Variants in LFNG observed in about 807,000 individuals in gnomAD.
LFNG encodes LFNG O-fucosylpeptide 3-beta-N-acetylglucosaminyltransferase.
In LFNG, 15 loss-of-function variants were observed where a neutral mutation model predicts 32.7. The observed-to-expected ratio is 0.46, with a 90% confidence interval of 0.31 to 0.71. LFNG has a LOEUF of 0.71. LFNG is among the 30% of genes least tolerant of loss of function. The pLI is 0.06. For synonymous variants in LFNG, 274 were observed against 246.8 expected, an observed-to-expected ratio of 1.11 and a Z score of -1.03; for missense variants, 520 against 545.7, an observed-to-expected ratio of 0.95 and a Z score of 0.47.
In LFNG at chr7:2,527,075, G is replaced by T; in HGVS notation, c.1074-71G>T. On this transcript the variant is annotated intron_variant, in intron 7 of 7. Transcript: ENST00000222725. This position sits in a 1 kb window ranked among gnomAD's most constrained non-coding sequence, Gnocchi z 4.4. ...TGCTCGGGGTGGGGCCGCCAGTGTT[G>T]TGGGACTGCAAATGGGAGCTCAGCA... The T allele has an allele frequency of 6.6e-7, 1 of 1,517,810 alleles. No homozygotes were observed. The highest frequency in any genetic ancestry group is 1.1e-5 in the South Asian group (1 of 88,420). The allele number at this position is 1,517,810 out of a possible 1,614,324, so 94.0% of individuals were successfully genotyped here.
rs750749878 is a variant in LFNG, at chr7:2,524,697, G to A, written c.435G>A (p.Thr145=). ...ETWISRHKEM[T]FIFTDGEDEA... Reference sequence around the variant, plus strand: ...GAAGGCCGATTTTCTCCTTCCAGACGTTCATCTTCACTGACGGGGAAGATG... The same window carrying A: ...GAAGGCCGATTTTCTCCTTCCAGACATTCATCTTCACTGACGGGGAAGATG... The change falls in exon 2 of 8, where the codon ACG becomes ACA. Residue 145 remains threonine, a splice_region_variant and synonymous_variant. Coordinates refer to ENST00000222725, the MANE Select transcript of LFNG (RefSeq NM_001040167.2). The A allele has an allele frequency of 2.5e-6, 4 of 1,586,938 alleles. No homozygotes were observed. Among genetic ancestry groups the A allele is most frequent in the Admixed American group, 1.8e-5 (1 of 56,450 alleles).
downstream of LFNG, chr7:2,528,566 CAACTATTTTGG>C: frequency 2.5e-6 from 1 of 404,976 alleles, no homozygotes; most frequent in Non-Finnish European, 3.7e-6. Flanking sequence ...CGCTTAGAGA[CAACTATTTTGG>C]AACGAAACCT....
At chr7:2,517,675 C>T, upstream of LFNG, 1 of 459,436 alleles carries the variant, frequency 2.2e-6, no homozygotes, top group Non-Finnish European at 4.4e-6. Context: ...GGTGGCATGG[C>T]ACCCACCATC....
chr7:2,524,490 C>A (rs976266848), intron 1 of LFNG, among the ~76,000 whole-genome samples: 1 of 152,204 alleles, frequency 6.6e-6, no homozygotes, highest in Admixed American at 6.5e-5. Context: ...CGAGTGAATG[C>A]GTGAGCTCTG....
In LFNG at chr7:2,526,193, A is replaced by G. The variant is rs763497030; in HGVS notation, c.822-51A>G. On this transcript the variant is annotated intron_variant, in intron 5 of 7. Transcript: ENST00000222725. The surrounding 1 kb of genome is among the most constrained non-coding windows in gnomAD (Gnocchi z 6.9). The stretch of plus-strand genomic sequence containing the variant: ...GCCTGGTGGGGCCTCCCCAGCTCCC[A>G]GCAGATGGCTCCCGCCTCTGCTCAC... 1.9e-6 allele frequency: 3 copies of G among 1,604,706 alleles called. No individual in the cohort carries two copies. The highest frequency in any genetic ancestry group is 2.7e-5 in the African/African-American group (2 of 74,834).
rs775638466 is a variant in LFNG at position 2,526,431 on chromosome 7, G to T, written c.987+22G>T. ...GCAGGTGCACCATCCTCCGGGCCCC[G>T]CCAGGACTCCGAGAGCACAGGAAGG... On this transcript the variant is annotated intron_variant, in intron 6 of 7. Transcript: ENST00000222725. This position sits in a 1 kb window ranked among gnomAD's most constrained non-coding sequence, Gnocchi z 6.9. The T allele has an allele frequency of 6.2e-7, 1 of 1,603,104 alleles. No homozygotes were observed. Among genetic ancestry groups the T allele is most frequent in the East Asian group, 2.2e-5 (1 of 44,858 alleles).
At chr7:2,515,690 A>G (rs950160328), upstream of LFNG, among the ~76,000 whole-genome samples, 14 of 152,354 alleles carry the variant, frequency 9.2e-5, no homozygotes, top group East Asian at 1.4e-3. Flanking sequence ...AGGGCGGGTG[A>G]GGCACCAGCC....
chr7:2,524,076 G>T (rs914674494), intron 1 of LFNG, among the ~76,000 whole-genome samples: 1 of 152,204 alleles, frequency 6.6e-6, no homozygotes, highest in African/African-American at 2.4e-5. Flanking sequence ...GTTAAGGCCG[G>T]CCCGGCGCCC....
chr7:2,513,234 CGGACAGAT>C (rs759062946), upstream of LFNG: 3 of 1,605,112 alleles, frequency 1.9e-6, no homozygotes, highest in Non-Finnish European at 2.5e-6. Flanking sequence ...GAAGGATGGA[CGGACAGAT>C]GGACAGATGG....
Position 2,524,609 on chromosome 7 carries a change from C to G in LFNG, c.433-86C>G, listed in dbSNP as rs544675255. 4.8e-5 allele frequency: 63 copies of G among 1,312,420 alleles called. No homozygotes were observed. In the East Asian group the frequency reaches 1.3e-3, roughly 26 times the overall value. The allele number at this position is 1,312,420 out of a possible 1,614,324, so 81.3% of individuals were successfully genotyped here. On this transcript the variant is annotated intron_variant, in intron 1 of 7. Transcript: ENST00000222725. Reference sequence around the variant, plus strand: ...TGTGACGCAGCTGCAGCTGCAGCAACTCCAGGGCGCCCCGTCCGGCCCCCA... The same window carrying G: ...TGTGACGCAGCTGCAGCTGCAGCAAGTCCAGGGCGCCCCGTCCGGCCCCCA...
chr7:2,527,989 A>T lies in LFNG; in HGVS notation c.*777A>T. The T allele has an allele frequency of 2.1e-6, 2 of 971,532 alleles. No individual in the cohort carries two copies. Among genetic ancestry groups the T allele is most frequent in the Non-Finnish European group, 2.4e-6 (2 of 828,354 alleles). 60.2% of individuals were successfully genotyped at this position (971,532 alleles called of 1,614,324 possible). ...GCCCACAGTGGGCGTGTCTGTAAATATTGTGACAGTATTTTTTTACTGTGC... is the reference window on the plus strand; with the variant it reads ...GCCCACAGTGGGCGTGTCTGTAAATTTTGTGACAGTATTTTTTTACTGTGC... On this transcript the variant is annotated 3_prime_UTR_variant, in exon 8 of 8. Transcript: ENST00000222725. This position sits in a 1 kb window ranked among gnomAD's most constrained non-coding sequence, Gnocchi z 4.4.
rs1372137700 is a variant in LFNG at position 2,524,719 on chromosome 7, G to T, written c.457G>T (p.Asp153Tyr). The change falls in exon 2 of 8, where the codon GAT becomes TAT. Residue 153 changes from aspartate (D) to tyrosine (Y), a missense_variant. Around this residue, in one of 3 missense-constraint regions of LFNG, gnomAD observed 360 missense variants for 354.7 expected, o/e 1.01. Coordinates refer to ENST00000222725, the MANE Select transcript of LFNG (RefSeq NM_001040167.2). ...EMTFIFTDGE[D>Y]EALARHTGNV... ...GACGTTCATCTTCACTGACGGGGAA[G>T]ATGAGGCCCTGGCCAGGCACACGGG... 6.3e-7 allele frequency: 1 copy of T among 1,590,716 alleles called. No homozygotes were observed. The highest frequency in any genetic ancestry group is 8.6e-7 in the Non-Finnish European group (1 of 1,168,774).
chr7:2,517,864 G>A (rs1779667115), upstream of LFNG: 12 of 1,205,040 alleles, frequency 1.0e-5, no homozygotes, highest in Non-Finnish European at 1.3e-5. Flanking sequence ...GAGAGCTATG[G>A]AGGGTTTTGC....
chr7:2,525,375 C>T (rs551779994), intron 3 of LFNG, 39 bp from the exon 4 acceptor site: 16 of 1,612,426 alleles, frequency 9.9e-6, no homozygotes, highest in Non-Finnish European at 1.4e-5. Context: ...AGCGCCCGCC[C>T]CGGCATGCCC....
chr7:2,525,512 A>T lies in LFNG; in HGVS notation c.680A>T (p.Lys227Met), dbSNP rs1161975048. 6.2e-7 allele frequency: 1 copy of T among 1,612,408 alleles called. No individual in the cohort carries two copies. Among genetic ancestry groups the T allele is most frequent in the Non-Finnish European group, 8.5e-7 (1 of 1,179,870 alleles). Residue 227 changes from lysine to methionine, a missense_variant, in exon 4 of 8, where the codon AAG becomes ATG. Lys to Met is a moderately conservative substitution (Grantham distance 95). Around this residue, in one of 3 missense-constraint regions of LFNG, gnomAD observed 360 missense variants for 354.7 expected, o/e 1.01. Coordinates refer to ENST00000222725, the MANE Select transcript of LFNG (RefSeq NM_001040167.2). ...CACACGCGGGACGTCTACGTCGGCA[A>T]GCCCAGCCTGGACAGGCCCATCCAG... Reference protein sequence around the residue: ...YPHTRDVYVGKPSLDRPIQAM... With the variant: ...YPHTRDVYVGMPSLDRPIQAM...
At position 2,524,725 on chromosome 7, in the gene LFNG, G is replaced by T. The variant is rs778963518; in HGVS notation, c.463G>T (p.Ala155Ser). The change falls in exon 2 of 8, where the codon GCC becomes TCC. Residue 155 changes from alanine (A) to serine (S), a missense_variant. Transcript: ENST00000222725. Reference sequence around the variant, plus strand: ...CATCTTCACTGACGGGGAAGATGAGGCCCTGGCCAGGCACACGGGTGAGCC... The same window carrying T: ...CATCTTCACTGACGGGGAAGATGAGTCCCTGGCCAGGCACACGGGTGAGCC... ...TFIFTDGEDEALARHTGNVVI... is the reference protein window; with the variant it reads ...TFIFTDGEDESLARHTGNVVI... 6.3e-7 allele frequency: 1 copy of T among 1,590,596 alleles called. No individual in the cohort carries two copies. The highest frequency in any genetic ancestry group is 1.1e-5 in the South Asian group (1 of 87,410).
chr7:2,515,954 C>A (rs562582720), upstream of LFNG, among the ~76,000 whole-genome samples: 3 of 152,238 alleles, frequency 2.0e-5, no homozygotes, highest in East Asian at 5.8e-4. Context: ...AGCCAACCTT[C>A]CCATCACCCT....
At position 2,527,243 on chromosome 7, in the gene LFNG, C is replaced by T. The variant is rs368992076; in HGVS notation, c.*31C>T. ...ATGGCTGAGACCCAATCCCTGGGCGCCCCTGGTATCCAAAGGGCCCAGGGA... is the reference window on the plus strand; with the variant it reads ...ATGGCTGAGACCCAATCCCTGGGCGTCCCTGGTATCCAAAGGGCCCAGGGA... On this transcript the variant is annotated 3_prime_UTR_variant, in exon 8 of 8. Transcript: ENST00000222725. This position sits in a 1 kb window ranked among gnomAD's most constrained non-coding sequence, Gnocchi z 4.4. 5.1e-5 allele frequency: 82 copies of T among 1,609,100 alleles called. No individual in the cohort carries two copies. The highest frequency in any genetic ancestry group is 1.3e-5 in the African/African-American group (1 of 74,860).
Position 2,526,257 on chromosome 7 carries a change from A to G in LFNG, c.835A>G (p.Met279Val), listed in dbSNP as rs773567359. The G allele has an allele frequency of 1.9e-6, 3 of 1,612,932 alleles. No homozygotes were observed. The South Asian group carries it at 3.3e-5, about 18-fold the overall frequency. The change falls in exon 6 of 8, where the codon ATG becomes GTG. Residue 279 changes from methionine to valine, a missense_variant. Transcript: ENST00000222725. The surrounding 1 kb of genome is among the most constrained non-coding windows in gnomAD (Gnocchi z 6.9). ...TCCCTCCCGCAGCGGGGGTCACTTC[A>G]TGAATACGGCTGAGCGGATCCGGCT... ...MSPWASGGHF[M>V]NTAERIRLPD...
Sources: gnomAD v4.1 joint callset for allele counts (sites outside exome capture counted in the v4.1 genomes callset) on GRCh38, gnomAD v4.1.1 for gene constraint, gnomAD v4.1.1 regional missense constraint, Gnocchi (gnomAD v3.1) non-coding constraint, MANE v1.5 for transcripts, NCBI Gene and HGNC (gene_info 2026-07-23, HGNC 2026-07-21) for gene names.